Variants in HIVEP3 observed in about 807,000 individuals in gnomAD.
HIVEP3 encodes HIVEP zinc finger 3.
HIVEP3 carries 49 observed loss-of-function variants against 152.8 expected under a neutral mutation model. That is an observed-to-expected ratio of 0.32 (90% CI 0.26 to 0.41). The LOEUF (loss-of-function observed/expected upper bound fraction) is 0.41, where lower values mean the gene tolerates loss of function less well. Among genes scored for constraint, HIVEP3 ranks in the 10% least tolerant of loss-of-function variants. HIVEP3 has a pLI of 1.00. For synonymous variants in HIVEP3, 1,269 were observed against 1,289.0 expected, an observed-to-expected ratio of 0.98 and a Z score of 0.33; for missense variants, 2,790 against 3,103.3, an observed-to-expected ratio of 0.90 and a Z score of 2.40.
At chr1:41,629,752 A>G (rs1322233883) in intron 2 of HIVEP3, among the ~76,000 whole-genome samples, 3 of 152,204 alleles carry the variant, frequency 2.0e-5, no homozygotes, top group Non-Finnish European at 4.4e-5. Flanking sequence ...CAGAATGTCT[A>G]TTACTAAAAA....
At chr1:41,640,577 T>A (rs1266152387) in intron 2 of HIVEP3, among the ~76,000 whole-genome samples, 1 of 152,172 alleles carries the variant, frequency 6.6e-6, no homozygotes, top group South Asian at 2.1e-4. Flanking sequence ...CTGTGATGGA[T>A]CTAGCAGGGA....
chr1:41,545,776 CCACCACCACCACCACCATCACCACCAT>C (rs1643787244), intron 5 of HIVEP3, among the ~76,000 whole-genome samples: 1 of 145,812 alleles, frequency 6.9e-6, no homozygotes, highest in Non-Finnish European at 1.5e-5. Context: ...ACCATCACCA[CCACCACCACCACCACCATCACCACCAT>C]CACCACCACC....
At chr1:41,902,837 G>A (rs530207223) in intron 1 of HIVEP3, among the ~76,000 whole-genome samples, 2 of 152,276 alleles carry the variant, frequency 1.3e-5, no homozygotes, top group Non-Finnish European at 2.9e-5. Flanking sequence ...TTTCTATTCC[G>A]GTAAAGAATC....
intron 1 of HIVEP3, among the ~76,000 whole-genome samples, chr1:41,733,144 G>GC (rs143607389): frequency 0.068 from 10,338 of 152,124 alleles, 1,191 homozygotes; most frequent in African/African-American, 0.23. Context: ...TTCTGTCATT[G>GC]CCCCCAGGGA....
chr1:41,608,235 A>G (rs1436541160), intron 3 of HIVEP3, among the ~76,000 whole-genome samples: 1 of 152,164 alleles, frequency 6.6e-6, no homozygotes, highest in Non-Finnish European at 1.5e-5. Flanking sequence ...CAAGTCTCCT[A>G]GTAATAACCG....
At chr1:41,651,934 C>T (rs910557984) in intron 2 of HIVEP3, among the ~76,000 whole-genome samples, 3 of 152,176 alleles carry the variant, frequency 2.0e-5, no homozygotes, top group Non-Finnish European at 4.4e-5. Flanking sequence ...AAAAACTTGG[C>T]TATGTTTTTA....
intron 1 of HIVEP3, among the ~76,000 whole-genome samples, chr1:41,813,847 G>C (rs933588909): frequency 2.0e-5 from 3 of 152,170 alleles, no homozygotes; most frequent in Non-Finnish European, 2.9e-5. Context: ...CCATTCCACA[G>C]ACCAGACCAG....
chr1:41,663,229 A>C (rs531998068), intron 2 of HIVEP3, among the ~76,000 whole-genome samples: 3 of 152,198 alleles, frequency 2.0e-5, no homozygotes, highest in South Asian at 2.1e-4. Flanking sequence ...GCAGAGGTCA[A>C]CCCTCTGCCA....
chr1:41,531,510 C>A (rs1275579338), intron 5 of HIVEP3, among the ~76,000 whole-genome samples: 428 of 20,118 alleles, frequency 0.021, no homozygotes, highest in Admixed American at 0.033. Flanking sequence ...AAGACAGGGG[C>A]GATAGAGGAC....
At chr1:41,754,803 A>T (rs887043883) in intron 1 of HIVEP3, among the ~76,000 whole-genome samples, 4 of 152,156 alleles carry the variant, frequency 2.6e-5, no homozygotes, top group African/African-American at 9.7e-5. Context: ...TAAAATAAGG[A>T]TGTGAATAAT....
intron 1 of HIVEP3, among the ~76,000 whole-genome samples, chr1:42,010,989 A>C (rs1000245421): frequency 6.6e-5 from 10 of 152,132 alleles, no homozygotes; most frequent in African/African-American, 2.4e-4. Context: ...ACAATTCTTC[A>C]TTTAGTTCTA....
rs1275795270 is a variant in HIVEP3 at position 41,583,317 on chromosome 1, C to T, written c.1481G>A (p.Arg494His). The change falls in exon 4 of 9, where the codon CGC becomes CAC. Residue 494 changes from arginine to histidine, a missense_variant. Physicochemically the swap from Arg to His is conservative, Grantham distance 29. Coordinates refer to ENST00000372583, the MANE Select transcript of HIVEP3 (RefSeq NM_024503.5). This position sits in a 1 kb window ranked among gnomAD's most constrained non-coding sequence, Gnocchi z 6.9. Reference protein sequence around the residue: ...VKPRRSSLSRRSSMESPKSSL... With the variant: ...VKPRRSSLSRHSSMESPKSSL... ...GGATTTTGGGGACTCCATGCTGCTG[C>T]GCCTGGACAGTGAGCTCCGCCTTGG... 8.1e-6 allele frequency: 13 copies of T among 1,610,804 alleles called. No homozygotes were observed. Among genetic ancestry groups the T allele is most frequent in the African/African-American group, 1.3e-5 (1 of 74,870 alleles).
chr1:41,642,568 G>A (rs188648916), intron 2 of HIVEP3, among the ~76,000 whole-genome samples: 2 of 152,262 alleles, frequency 1.3e-5, no homozygotes, highest in East Asian at 3.9e-4. Flanking sequence ...TCTCTACCTT[G>A]TATGGGTGCA....
rs116093671 is a variant in HIVEP3, at chr1:41,788,521, G to A, written c.-800-87526C>T. Among the ~76,000 whole-genome samples the A allele has an allele frequency of 5.8e-3, 876 of 152,322 alleles. 7 individuals carry two copies. The highest frequency in any genetic ancestry group is 0.019 in the African/African-American group (802 of 41,556). On this transcript the variant is annotated intron_variant, in intron 1 of 8. Transcript: ENST00000372583. ...GCTCAGGCTATTCTCCCTCCCAGCC[G>A]GGATCAAAGCACCCTGGAGTCTGCT...
intron 5 of HIVEP3, among the ~76,000 whole-genome samples, chr1:41,525,842 G>A (rs757574332): frequency 6.6e-6 from 1 of 152,162 alleles, no homozygotes; most frequent in Non-Finnish European, 1.5e-5. Flanking sequence ...GATGCGGTGG[G>A]GAGGGTGGCA....
At chr1:41,936,319 A>G (rs915981499) in intron 1 of HIVEP3, among the ~76,000 whole-genome samples, 2 of 152,206 alleles carry the variant, frequency 1.3e-5, no homozygotes, top group African/African-American at 2.4e-5. Flanking sequence ...CAGATGACTC[A>G]GCAAGAGGCA....
intron 1 of HIVEP3, among the ~76,000 whole-genome samples, chr1:41,896,316 TTA>T (rs1166745978): frequency 6.6e-5 from 10 of 152,194 alleles, no homozygotes; most frequent in Non-Finnish European, 1.3e-4. Context: ...ATCAACCAGA[TTA>T]TGAGCATTCC....
chr1:41,520,841 C>G (rs1642742210), intron 6 of HIVEP3, among the ~76,000 whole-genome samples: 1 of 152,216 alleles, frequency 6.6e-6, no homozygotes, highest in Admixed American at 6.5e-5. Context: ...TGCTTCTGAT[C>G]TGACTCTGGG....
chr1:41,689,664 T>C (rs1646166256), intron 2 of HIVEP3, among the ~76,000 whole-genome samples: 1 of 152,194 alleles, frequency 6.6e-6, no homozygotes, highest in African/African-American at 2.4e-5. Context: ...TGTGGGCATC[T>C]GAGTAGAAGC....
Sources: gnomAD v4.1 joint callset for allele counts (sites outside exome capture counted in the v4.1 genomes callset) on GRCh38, gnomAD v4.1.1 for gene constraint, Gnocchi (gnomAD v3.1) non-coding constraint, MANE v1.5 for transcripts, NCBI Gene and HGNC (gene_info 2026-07-23, HGNC 2026-07-21) for gene names.